PGAP2: variants seen among roughly 807,000 people sequenced by gnomAD.
PGAP2 encodes acyltransferase PGAP2.
A neutral mutation model predicts 33.2 loss-of-function variants in PGAP2; 21 were observed. The ratio of observed to expected loss-of-function variants is 0.63; its 90% confidence interval spans 0.45 to 0.91. The LOEUF (loss-of-function observed/expected upper bound fraction) is 0.91, where lower values mean the gene tolerates loss of function less well. Among genes scored for constraint, PGAP2 ranks in the 40% least tolerant of loss-of-function variants. PGAP2 has a pLI of 0.00. For synonymous variants in PGAP2, 161 were observed against 172.9 expected (o/e 0.93, Z 0.54); for missense variants, 345 against 424.0 (o/e 0.81, Z 1.64).
In PGAP2 at chr11:3,817,512, T is replaced by A. The variant is rs371314694; in HGVS notation, c.325T>A (p.Tyr109Asn). 55 of 1,613,954 alleles carry A rather than the reference T, an allele frequency of 3.4e-5. No homozygotes were observed. The highest frequency in any genetic ancestry group is 5.3e-5 in the African/African-American group (4 of 74,906). ...CTGGTCCCTGGTGTTCCACTTTGAG[T>A]ACACGGTGGCCACTGACTGTGGGGT... ...IIWSLVFHFE[Y>N]TVATDCGVPN... Residue 109 changes from tyrosine to asparagine, a missense_variant, in exon 3 of 7, where the codon TAC becomes AAC. Transcript: ENST00000278243.
chr11:3,823,507 G>C, intron 3 of PGAP2: 1 of 1,195,344 alleles, frequency 8.4e-7, no homozygotes, highest in Non-Finnish European at 1.2e-6. Flanking sequence ...CCTGTCCTCT[G>C]GACTGAATCT....
At chr11:3,798,669 C>T (rs1436255071) in intron 1 of PGAP2, among the ~76,000 whole-genome samples, 3 of 127,572 alleles carry the variant, frequency 2.4e-5, no homozygotes, top group South Asian at 2.5e-4. Context: ...GAGTCTTGCT[C>T]TGTCTCCTCT....
rs762995369 is a variant in PGAP2, at chr11:3,825,108, A to G, written c.797A>G (p.Asn266Ser). The change falls in exon 6 of 7, where the codon AAC becomes AGC. Residue 266 changes from asparagine to serine, a missense_variant. Around this residue, in one of 2 missense-constraint regions of PGAP2, gnomAD observed 311 missense variants for 353.6 expected, o/e 0.88. Coordinates refer to ENST00000278243, the MANE Select transcript of PGAP2 (RefSeq NM_014489.4). ...GCGCTGGCTGTCTACTTTCGGCACA[A>G]CATGTATTGTGAGGCTGGAGGTGAG... ...FSALAVYFRH[N>S]MYCEAGVYTI... is the part of the protein sequence containing the mutation. 4 of 1,614,038 alleles carry G rather than the reference A, an allele frequency of 2.5e-6. No individual in the cohort carries two copies. The highest frequency in any genetic ancestry group is 2.2e-5 in the East Asian group (1 of 44,882).
chr11:3,820,792 C>A (rs2088393429), intron 3 of PGAP2, among the ~76,000 whole-genome samples: 1 of 152,280 alleles, frequency 6.6e-6, no homozygotes, highest in East Asian at 1.9e-4. Flanking sequence ...CACTGTACTC[C>A]AGCCTGGGTG....
intron 2 of PGAP2, among the ~76,000 whole-genome samples, chr11:3,812,629 GCAGATTCTGCGCATGGACCATTGGGGTC>G (rs2085838365): frequency 6.6e-6 from 1 of 152,200 alleles, no homozygotes; most frequent in Non-Finnish European, 1.5e-5. Flanking sequence ...TGGAGAAGAG[GCAGATTCTGCGCATGGACCATTGGGGTC>G]CCTCAGAGTT....
At chr11:3,808,557 G>C, upstream of PGAP2, 1 of 1,391,418 alleles carries the variant, frequency 7.2e-7, no homozygotes, top group Non-Finnish European at 9.3e-7. Context: ...CCCCGCCCCC[G>C]CCGTTCGCGC....
At chr11:3,824,970 C>A (rs770388820) in intron 5 of PGAP2, 50 bp from the exon 6 acceptor site, 18 of 1,611,104 alleles carry the variant, frequency 1.1e-5, no homozygotes, top group Non-Finnish European at 1.5e-5. Context: ...GGGGAGCCCA[C>A]GCTCTCATAC....
At position 3,824,395 on chromosome 11, in the gene PGAP2, G is replaced by A. The variant is rs760376109; in HGVS notation, c.708+19G>A. ...TCAGGAGGTACGGTCTATCCCTAGCGGGGGCTCCAAGGCAGCCCAGAAGAA... is the reference window on the plus strand; with the variant it reads ...TCAGGAGGTACGGTCTATCCCTAGCAGGGGCTCCAAGGCAGCCCAGAAGAA... On this transcript the variant is annotated intron_variant, in intron 5 of 6. Coordinates refer to ENST00000278243, the MANE Select transcript of PGAP2 (RefSeq NM_014489.4). 1.9e-5 allele frequency: 31 copies of A among 1,613,938 alleles called. No individual in the cohort carries two copies. The highest frequency in any genetic ancestry group is 1.6e-4 in the Middle Eastern group (1 of 6,084).
intron 1 of PGAP2, chr11:3,798,038 C>G (rs2134041667): frequency 6.5e-7 from 1 of 1,530,336 alleles, no homozygotes; most frequent in Non-Finnish European, 8.8e-7. Flanking sequence ...GGAAGGCTTC[C>G]TAGTCTCTCT....
chr11:3,798,622 C>T (rs2082946286), intron 1 of PGAP2, among the ~76,000 whole-genome samples: 1 of 136,132 alleles, frequency 7.3e-6, no homozygotes, highest in African/African-American at 2.9e-5. Context: ...TGAGCCACCT[C>T]GCCCATGAAC....
At chr11:3,819,778 G>A (rs893242341) in intron 3 of PGAP2, among the ~76,000 whole-genome samples, 8 of 152,080 alleles carry the variant, frequency 5.3e-5, no homozygotes, top group Admixed American at 1.3e-4. Flanking sequence ...GATGAGTGGG[G>A]AACTTGTGTG....
upstream of PGAP2, among the ~76,000 whole-genome samples, chr11:3,805,269 T>A (rs562118337): frequency 6.7e-6 from 1 of 150,364 alleles, no homozygotes; most frequent in Non-Finnish European, 1.5e-5. Context: ...CTTTTTTTTT[T>A]TTTTTTTTTT....
chr11:3,824,359 C>T lies in PGAP2; in HGVS notation c.691C>T (p.His231Tyr), dbSNP rs2089589922. ...TCILWRLTKK[H>Y]TVSQEDRKSY... ...CATTCTCTGGCGGTTGACCAAGAAG[C>T]ACACAGTAAGTCAGGAGGTACGGTC... is the stretch of plus-strand genomic sequence containing the variant. Residue 231 changes from histidine to tyrosine, a missense_variant, in exon 5 of 7, where the codon CAC becomes TAC. Coordinates refer to ENST00000278243, the MANE Select transcript of PGAP2 (RefSeq NM_014489.4). 1 of 1,614,200 alleles carries T rather than the reference C, an allele frequency of 6.2e-7. No individual in the cohort carries two copies. The highest frequency in any genetic ancestry group is 2.2e-5 in the East Asian group (1 of 44,888).
At chr11:3,806,696 T>A (rs1341741864), upstream of PGAP2, among the ~76,000 whole-genome samples, 1 of 152,206 alleles carries the variant, frequency 6.6e-6, no homozygotes, top group Admixed American at 6.5e-5. Context: ...AGTAGGTAAC[T>A]TGGTTTCCCT....
At chr11:3,804,724 T>C (rs2084024291), upstream of PGAP2, among the ~76,000 whole-genome samples, 1 of 152,168 alleles carries the variant, frequency 6.6e-6, no homozygotes, top group Admixed American at 6.6e-5. Context: ...TTTTTTGAGG[T>C]GGAGTCTCGC....
intron 3 of PGAP2, among the ~76,000 whole-genome samples, chr11:3,821,606 A>C (rs565399473): frequency 5.2e-4 from 79 of 152,124 alleles, no homozygotes; most frequent in African/African-American, 1.9e-3. Flanking sequence ...TAAAAATACA[A>C]AATTAGCTGG....
chr11:3,803,142 C>T (rs1332772536), intron 1 of PGAP2, among the ~76,000 whole-genome samples: 2 of 151,586 alleles, frequency 1.3e-5, no homozygotes, highest in East Asian at 2.0e-4. Context: ...TGCAGGCATG[C>T]GCCACCATGC....
intron 3 of PGAP2, among the ~76,000 whole-genome samples, chr11:3,821,832 G>A (rs1034152307): frequency 7.6e-5 from 10 of 131,436 alleles, no homozygotes; most frequent in Non-Finnish European, 1.3e-4. Context: ...AGAGGCCGAG[G>A]GGGGTGGATT....
rs1443601662 is a variant in PGAP2 at position 3,825,626 on chromosome 11, C to T, written c.*168C>T. Reference sequence around the variant, plus strand: ...CTCACCCCAGTGCTGCTGGCTTCTCCTCTCCACCCCTCATATGGGCGTGGG... The same window carrying T: ...CTCACCCCAGTGCTGCTGGCTTCTCTTCTCCACCCCTCATATGGGCGTGGG... On this transcript the variant is annotated 3_prime_UTR_variant, in exon 7 of 7. Transcript: ENST00000278243. 3.7e-6 allele frequency: 2 copies of T among 539,586 alleles called. No homozygotes were observed. Among genetic ancestry groups the T allele is most frequent in the Admixed American group, 4.3e-5 (1 of 23,066 alleles). The allele number at this position is 539,586 out of a possible 1,614,324, so 33.4% of individuals were successfully genotyped here.
Sources: allele counts gnomAD v4.1 joint callset (sites outside exome capture counted in the v4.1 genomes callset), GRCh38; gene constraint gnomAD v4.1.1; regional missense constraint gnomAD v4.1.1; transcripts MANE v1.5; gene names NCBI Gene and HGNC (gene_info 2026-07-23, HGNC 2026-07-21).